The following MCU variants were observed in gnomAD, a reference collection of about 807,000 sequenced individuals.
MCU encodes the protein calcium uniporter protein, mitochondrial.
MCU carries 12 observed loss-of-function variants against 45.2 expected under a neutral mutation model. The observed-to-expected ratio is 0.27, with a 90% CI of 0.17 to 0.43. The LOEUF is 0.43. Ranked by LOEUF, MCU falls within the 20% of genes least tolerant of loss-of-function variation. The probability of loss-of-function intolerance (pLI) is 1.00; values close to 1 mark genes in which losing one functional copy is unlikely to be tolerated. For synonymous variants in MCU, 160 were observed against 165.1 expected (o/e 0.97, Z 0.24); for missense variants, 324 against 436.7 (o/e 0.74, Z 2.30).
At position 72,787,038 on chromosome 10, in the gene MCU, T is replaced by C. The variant is rs1844082746; in HGVS notation, c.151-47321T>C. ...CAAGGACCATATTTTAATCTCACGC[T>C]TAAAGGGTAAATTTCTATCCATTTA... On this transcript the variant is annotated intron_variant, in intron 1 of 7. Transcript: ENST00000373053. Among the ~76,000 whole-genome samples, 3 of 152,172 alleles carry C rather than the reference T, an allele frequency of 2.0e-5. No homozygotes were observed. In the South Asian group the frequency reaches 6.2e-4, roughly 32 times the overall value.
chr10:72,867,246 T>C (rs1208529403), intron 4 of MCU, among the ~76,000 whole-genome samples: 1 of 152,034 alleles, frequency 6.6e-6, no homozygotes, highest in Admixed American at 6.6e-5. Flanking sequence ...AGAAGAGTGC[T>C]ACCCTTATGC....
chr10:72,708,586 G>A (rs1405657994), intron 1 of MCU, among the ~76,000 whole-genome samples: 2 of 152,106 alleles, frequency 1.3e-5, no homozygotes, highest in Non-Finnish European at 2.9e-5. Flanking sequence ...TAGACATTCA[G>A]TCCATGTTGG....
chr10:72,839,364 A>T (rs1845011796), intron 2 of MCU, among the ~76,000 whole-genome samples: 1 of 151,688 alleles, frequency 6.6e-6, no homozygotes, highest in South Asian at 2.1e-4. Context: ...TAAGTTCCCC[A>T]GTTCTAATCT....
Position 72,800,589 on chromosome 10 carries a change from T to A in MCU, c.151-33770T>A, listed in dbSNP as rs185381051. On this transcript the variant is annotated intron_variant, in intron 1 of 7. Coordinates refer to ENST00000373053, the MANE Select transcript of MCU (RefSeq NM_138357.3). ...GTCCATATATCTTCCAAAAACCCTG[T>A]CTGTAGATTACAGCCTCTGAATTGT... is the stretch of plus-strand genomic sequence containing the variant. Among the ~76,000 whole-genome samples, 311 of 152,318 alleles carry A rather than the reference T, an allele frequency of 2.0e-3. 1 individual carries two copies. The highest frequency in any genetic ancestry group is 6.7e-3 in the African/African-American group (278 of 41,570).
chr10:72,783,272 A>G (rs959011738), intron 1 of MCU, among the ~76,000 whole-genome samples: 1 of 152,224 alleles, frequency 6.6e-6, no homozygotes, highest in Non-Finnish European at 1.5e-5. Flanking sequence ...AAAATAGATT[A>G]TGTTTTACAT....
At chr10:72,842,100 G>GA (rs2132845821) in intron 2 of MCU, among the ~76,000 whole-genome samples, 1 of 152,272 alleles carries the variant, frequency 6.6e-6, no homozygotes, top group Admixed American at 6.5e-5. Flanking sequence ...GCAACATGGT[G>GA]AAACCGTCTC....
At chr10:72,812,833 C>T (rs61864444) in intron 1 of MCU, among the ~76,000 whole-genome samples, 3,750 of 152,106 alleles carry the variant, frequency 0.025, 60 homozygotes, top group Non-Finnish European at 0.039. Context: ...TTTTAGTGTC[C>T]TGTGGGAGGT....
At chr10:72,834,056 T>A (rs534784581) in intron 1 of MCU, among the ~76,000 whole-genome samples, 1 of 152,350 alleles carries the variant, frequency 6.6e-6, no homozygotes, top group African/African-American at 2.4e-5. Flanking sequence ...TAAATGTTTT[T>A]AAAAGTACAT....
chr10:72,884,556 C>A, intron 7 of MCU, 174 bp downstream of exon 7: 1 of 498,356 alleles, frequency 2.0e-6, no homozygotes, highest in Non-Finnish European at 3.6e-6. Context: ...GGACATTTCT[C>A]TAGAAAGTTT....
At chr10:72,731,812 C>T (rs1843178046) in intron 1 of MCU, among the ~76,000 whole-genome samples, 1 of 152,084 alleles carries the variant, frequency 6.6e-6, no homozygotes, top group Non-Finnish European at 1.5e-5. Flanking sequence ...TATTGCTAAA[C>T]AATAATGATG....
intron 6 of MCU, among the ~76,000 whole-genome samples, chr10:72,872,592 G>T (rs1845560639): frequency 6.6e-6 from 1 of 152,172 alleles, no homozygotes; most frequent in Admixed American, 6.5e-5. Context: ...CAAAGGACAG[G>T]ATATCATTCA....
chr10:72,692,817 C>T (rs1842640440), intron 1 of MCU: 3 of 1,419,850 alleles, frequency 2.1e-6, no homozygotes, highest in Non-Finnish European at 2.7e-6. Flanking sequence ...CGCCCCTCGT[C>T]CTCTCTCGTC....
intron 1 of MCU, among the ~76,000 whole-genome samples, chr10:72,785,478 A>G (rs114162243): frequency 0.011 from 1,678 of 152,364 alleles, 25 homozygotes; most frequent in African/African-American, 0.038. Flanking sequence ...TGTCACAGTT[A>G]GTGGCAGATT....
chr10:72,766,083 G>A (rs1843722832), intron 1 of MCU, among the ~76,000 whole-genome samples: 1 of 152,090 alleles, frequency 6.6e-6, no homozygotes, highest in African/African-American at 2.4e-5. Context: ...TTGCGGGCTA[G>A]TCTTGAACAC....
chr10:72,741,769 C>T (rs969871983), intron 1 of MCU, among the ~76,000 whole-genome samples: 3 of 152,136 alleles, frequency 2.0e-5, no homozygotes, highest in Non-Finnish European at 2.9e-5. Context: ...TGGCTCACGC[C>T]GGTAATCCCA....
chr10:72,755,146 A>T (rs1014487771), intron 1 of MCU, among the ~76,000 whole-genome samples: 14 of 123,672 alleles, frequency 1.1e-4, no homozygotes, highest in African/African-American at 2.5e-4. Context: ...TGAACCTGAG[A>T]TTTTTTTTTT....
chr10:72,776,674 C>G (rs1843898853), intron 1 of MCU, among the ~76,000 whole-genome samples: 1 of 152,146 alleles, frequency 6.6e-6, no homozygotes, highest in Non-Finnish European at 1.5e-5. Context: ...AGAATGGCTA[C>G]TTTTACCACT....
At chr10:72,797,844 T>A (rs112040819) in intron 1 of MCU, among the ~76,000 whole-genome samples, 1,958 of 152,148 alleles carry the variant, frequency 0.013, 38 homozygotes, top group African/African-American at 0.044. Context: ...TTTAATAGCA[T>A]AAACCACAGT....
intron 1 of MCU, among the ~76,000 whole-genome samples, chr10:72,700,958 C>T (rs569951965): frequency 4.6e-5 from 7 of 152,104 alleles, no homozygotes; most frequent in South Asian, 2.1e-4. Flanking sequence ...ACTGTGTAGA[C>T]GACAGTTAGA....
Sources: gnomAD v4.1 joint callset for allele counts (sites outside exome capture counted in the v4.1 genomes callset) on GRCh38, gnomAD v4.1.1 for gene constraint, MANE v1.5 for transcripts, NCBI Gene and HGNC (gene_info 2026-07-23, HGNC 2026-07-21) for gene names.